The following UXS1 variants were observed in gnomAD, a reference collection of about 807,000 sequenced individuals.
UXS1 encodes the protein UDP-glucuronate decarboxylase 1.
A neutral mutation model predicts 62.6 loss-of-function variants in UXS1; 33 were observed. That is an observed-to-expected ratio of 0.53 (90% confidence interval 0.40 to 0.70). The LOEUF (loss-of-function observed/expected upper bound fraction) is 0.70. UXS1 is among the 30% of genes least tolerant of loss of function. The pLI is 0.00. For synonymous variants in UXS1, 213 were observed against 206.8 expected, an observed-to-expected ratio of 1.03 and a Z score of -0.26; for missense variants, 434 against 556.3, an observed-to-expected ratio of 0.78 and a Z score of 2.21.
chr2:106,141,818 T>C (rs550186417), intron 6 of UXS1, among the ~76,000 whole-genome samples: 1 of 151,278 alleles, frequency 6.6e-6, no homozygotes, highest in South Asian at 2.1e-4. Context: ...TGTTTTTAAT[T>C]GGAAAAAAAA....
chr2:106,126,231 T>C (rs1679936644), intron 7 of UXS1, among the ~76,000 whole-genome samples: 1 of 152,208 alleles, frequency 6.6e-6, no homozygotes. Context: ...TTTCCTGGAC[T>C]GACCACTCAC....
chr2:106,159,968 G>A (rs1682759476), intron 4 of UXS1: 1 of 152,164 alleles, frequency 6.6e-6, no homozygotes, highest in Non-Finnish European at 1.5e-5. Flanking sequence ...TGAGGGCAAG[G>A]GTGGGAACCC....
chr2:106,193,197 C>A (rs1203404656), intron 1 of UXS1, among the ~76,000 whole-genome samples: 2 of 152,136 alleles, frequency 1.3e-5, no homozygotes, highest in Non-Finnish European at 2.9e-5. Context: ...TACCCACTCA[C>A]CTCTGGAATC....
At chr2:106,193,181 G>A (rs919402575) in intron 1 of UXS1, among the ~76,000 whole-genome samples, 1 of 152,042 alleles carries the variant, frequency 6.6e-6, no homozygotes, top group Non-Finnish European at 1.5e-5. Context: ...CTTCAGACAA[G>A]TGAAGTACCC....
At chr2:106,140,260 C>T (rs1238541309) in intron 6 of UXS1, among the ~76,000 whole-genome samples, 1 of 152,078 alleles carries the variant, frequency 6.6e-6, no homozygotes, top group Non-Finnish European at 1.5e-5. Flanking sequence ...GTGAAGCCAC[C>T]GCAGGGGAAA....
intron 1 of UXS1, among the ~76,000 whole-genome samples, chr2:106,189,438 A>G (rs1684781308): frequency 6.6e-6 from 1 of 152,176 alleles, no homozygotes; most frequent in African/African-American, 2.4e-5. Flanking sequence ...GAGTATCATC[A>G]TTGTCAAGCT....
chr2:106,165,940 C>G (rs1371649710), intron 2 of UXS1, 116 bp downstream of exon 2: 9 of 973,208 alleles, frequency 9.2e-6, no homozygotes, highest in Admixed American at 3.0e-5. Context: ...AGCAAGAACC[C>G]ACTTTTGTTT....
At chr2:106,110,693 C>A (rs537384485) in intron 10 of UXS1, among the ~76,000 whole-genome samples, 174 of 152,316 alleles carry the variant, frequency 1.1e-3, no homozygotes, top group Non-Finnish European at 2.2e-3. Context: ...GTCCACTCAA[C>A]ATTTCTCTCC....
At chr2:106,155,307 TGA>T (rs759818263) in intron 5 of UXS1, among the ~76,000 whole-genome samples, 6 of 152,082 alleles carry the variant, frequency 3.9e-5, no homozygotes, top group South Asian at 2.1e-4. Context: ...AAACAAAAAA[TGA>T]GAGAGTTCAT....
chr2:106,158,035 A>AGT (rs1437496062), intron 5 of UXS1, 23 bp downstream of exon 5: 1 of 1,533,136 alleles, frequency 6.5e-7, no homozygotes, highest in South Asian at 1.2e-5. Context: ...TATTACAAAT[A>AGT]CTATTCAGGT....
intron 7 of UXS1, among the ~76,000 whole-genome samples, chr2:106,126,261 C>A (rs138461950): frequency 1.4e-4 from 22 of 152,330 alleles, no homozygotes; most frequent in African/African-American, 5.3e-4. Context: ...ACCAGAACAT[C>A]ATTATCTATG....
At chr2:106,170,406 G>T (rs1683480357) in intron 1 of UXS1, among the ~76,000 whole-genome samples, 1 of 152,222 alleles carries the variant, frequency 6.6e-6, no homozygotes, top group Non-Finnish European at 1.5e-5. Flanking sequence ...CTCACTGCAA[G>T]ATGAGGCGTT....
intron 10 of UXS1, among the ~76,000 whole-genome samples, chr2:106,110,639 T>C (rs530584788): frequency 6.6e-6 from 1 of 152,302 alleles, no homozygotes; most frequent in South Asian, 2.1e-4. Flanking sequence ...TTCACCACTT[T>C]CACTTACCAT....
At chr2:106,121,345 A>G (rs1679501710) in intron 9 of UXS1, among the ~76,000 whole-genome samples, 1 of 152,248 alleles carries the variant, frequency 6.6e-6, no homozygotes, top group Admixed American at 6.5e-5. Context: ...CCGAATAATC[A>G]TTTAATGAAA....
rs1682605372 is a variant in UXS1 at position 106,158,238 on chromosome 2, C to G, written c.231-120G>C. 8 of 831,710 alleles carry G rather than the reference C, an allele frequency of 9.6e-6. No homozygotes were observed. In the South Asian group the frequency reaches 1.3e-4, roughly 14 times the overall value. 51.5% of individuals were successfully genotyped at this position (831,710 alleles called of 1,614,324 possible). ...CTGTTATTGTTTGCTCTTCTCTCCA[C>G]TCTTGAATGAGTGCTGGAGAAACCA... is the stretch of plus-strand genomic sequence containing the variant. On this transcript the variant is annotated intron_variant, in intron 4 of 14. Transcript: ENST00000283148.
intron 1 of UXS1, among the ~76,000 whole-genome samples, chr2:106,181,327 C>G (rs1345345303): frequency 3.3e-5 from 5 of 152,200 alleles, no homozygotes; most frequent in African/African-American, 4.8e-5. Flanking sequence ...CCCCAGCTCC[C>G]GGCACATGCT....
chr2:106,177,481 C>G (rs1206627435), intron 1 of UXS1, among the ~76,000 whole-genome samples: 1 of 152,166 alleles, frequency 6.6e-6, no homozygotes, highest in Non-Finnish European at 1.5e-5. Context: ...TAGGCGTGAG[C>G]CACCAAGCCC....
intron 1 of UXS1, among the ~76,000 whole-genome samples, chr2:106,175,471 T>C (rs568300196): frequency 6.6e-6 from 1 of 152,306 alleles, no homozygotes; most frequent in Admixed American, 6.5e-5. Context: ...ACACCTTGCA[T>C]GGGGGGACAG....
intron 1 of UXS1, chr2:106,183,754 T>TA (rs1684391457): frequency 6.6e-6 from 1 of 152,192 alleles, no homozygotes; most frequent in African/African-American, 2.4e-5. Flanking sequence ...GAGAAATCCC[T>TA]TCAATTCCTC....
Sources: allele counts gnomAD v4.1 joint callset (sites outside exome capture counted in the v4.1 genomes callset), GRCh38; gene constraint gnomAD v4.1.1; transcripts MANE v1.5; gene names NCBI Gene and HGNC (gene_info 2026-07-23, HGNC 2026-07-21).